Variants in RILPL1 observed in about 807,000 individuals in gnomAD.
The protein encoded by RILPL1 is Rab interacting lysosomal protein like 1.
Under a neutral mutation model 50.3 loss-of-function variants are expected in RILPL1, and 33 were observed. The observed-to-expected ratio is 0.66, with a 90% CI of 0.50 to 0.88. The LOEUF (loss-of-function observed/expected upper bound fraction) is 0.88. RILPL1 is among the 40% of genes least tolerant of loss of function. The pLI is 0.00. For synonymous variants in RILPL1, 205 were observed against 228.6 expected, an observed-to-expected ratio of 0.90 and a Z score of 0.93; for missense variants, 418 against 542.5, an observed-to-expected ratio of 0.77 and a Z score of 2.28.
intron 6 of RILPL1, among the ~76,000 whole-genome samples, chr12:123,481,358 CA>C (rs1250502610): frequency 0.11 from 12,186 of 106,866 alleles, 1,268 homozygotes; most frequent in African/African-American, 0.29. Context: ...GACTCCCTCT[CA>C]AAAAAAAAAA....
chr12:123,478,494 G>C (rs893480445), intron 6 of RILPL1, among the ~76,000 whole-genome samples: 3 of 146,796 alleles, frequency 2.0e-5, no homozygotes, highest in Non-Finnish European at 4.5e-5. Flanking sequence ...ATTTCTGGAA[G>C]ACTCAAACCA....
intron 2 of RILPL1, among the ~76,000 whole-genome samples, chr12:123,507,061 G>A (rs934876906): frequency 6.6e-6 from 1 of 152,216 alleles, no homozygotes; most frequent in Non-Finnish European, 1.5e-5. Context: ...ACACCACCAA[G>A]TGCTGGTGAG....
At chr12:123,516,087 C>G (rs373397080) in intron 2 of RILPL1, among the ~76,000 whole-genome samples, 1 of 146,782 alleles carries the variant, frequency 6.8e-6, no homozygotes, top group Admixed American at 6.9e-5. Context: ...AGCAACTTGG[C>G]CCAAATCTCA....
chr12:123,511,757 G>GTA (rs1290301260), intron 2 of RILPL1, among the ~76,000 whole-genome samples: 1 of 131,172 alleles, frequency 7.6e-6, no homozygotes, highest in African/African-American at 2.9e-5. Flanking sequence ...GTCTGTGTGT[G>GTA]GTGTGTGAGG....
intron 4 of RILPL1, among the ~76,000 whole-genome samples, chr12:123,494,918 G>A (rs770355023): frequency 8.5e-5 from 13 of 152,168 alleles, no homozygotes; most frequent in Non-Finnish European, 1.5e-4. Context: ...CACTGCAGAC[G>A]ACAGCTGTTG....
At chr12:123,524,637 G>A (rs1016711230) in intron 1 of RILPL1, among the ~76,000 whole-genome samples, 3 of 152,128 alleles carry the variant, frequency 2.0e-5, no homozygotes, top group Admixed American at 2.0e-4. Flanking sequence ...CAACATAGGT[G>A]GACCCTGAAA....
intron 4 of RILPL1, among the ~76,000 whole-genome samples, chr12:123,493,807 T>C (rs897617365): frequency 6.9e-6 from 1 of 144,474 alleles, no homozygotes; most frequent in Non-Finnish European, 1.5e-5. Context: ...TTTTTTGAGA[T>C]GAAGTCTTGC....
chr12:123,513,038 G>C (rs1398289148), intron 2 of RILPL1, among the ~76,000 whole-genome samples: 3 of 143,962 alleles, frequency 2.1e-5, no homozygotes, highest in Admixed American at 1.4e-4. Context: ...GGTCTGTGTG[G>C]TGTGTGAGGT....
chr12:123,514,965 C>G (rs1371993224), intron 2 of RILPL1, among the ~76,000 whole-genome samples: 3 of 150,946 alleles, frequency 2.0e-5, no homozygotes, highest in African/African-American at 7.3e-5. Context: ...GGGTCTTGCT[C>G]TGTTGCCCAG....
At chr12:123,508,249 C>A (rs1413972662) in intron 2 of RILPL1, among the ~76,000 whole-genome samples, 1 of 152,086 alleles carries the variant, frequency 6.6e-6, no homozygotes, top group Non-Finnish European at 1.5e-5. Context: ...AAAAAATTAG[C>A]CAGGCGTGGT....
chr12:123,495,733 T>C (rs1261395755), intron 4 of RILPL1, among the ~76,000 whole-genome samples: 2 of 139,768 alleles, frequency 1.4e-5, no homozygotes, highest in Non-Finnish European at 3.0e-5. Context: ...CAGGCTGGAG[T>C]GCAGTGGTGC....
rs768914391 is a variant in RILPL1, at chr12:123,498,795, G to A, written c.580-30C>T. On this transcript the variant is annotated intron_variant, in intron 3 of 6. Transcript: ENST00000376874. This position sits in a 1 kb window ranked among gnomAD's most constrained non-coding sequence, Gnocchi z 4.3. ...AGAAAAAGGGAGACCATTGTGCGGG[G>A]CTGCCACCTGCGGTAGCTCAGGTTG... 4 of 1,600,990 alleles carry A rather than the reference G, an allele frequency of 2.5e-6. No individual in the cohort carries two copies. The Admixed American group carries it at 5.0e-5, about 20-fold the overall frequency.
intron 2 of RILPL1, among the ~76,000 whole-genome samples, chr12:123,507,113 T>C (rs909145264): frequency 6.6e-6 from 1 of 152,168 alleles, no homozygotes; most frequent in Non-Finnish European, 1.5e-5. Context: ...TTGCTGGAAG[T>C]GCTACTATGG....
chr12:123,485,679 T>G lies in RILPL1; in HGVS notation c.928A>C (p.Lys310Gln). 6.2e-7 allele frequency: 1 copy of G among 1,613,798 alleles called. No homozygotes were observed. Among genetic ancestry groups the G allele is most frequent in the Non-Finnish European group, 8.5e-7 (1 of 1,179,806 alleles). Reference protein sequence around the residue: ...RDVLHERNELKSKVFLLQEEL... With the variant: ...RDVLHERNELQSKVFLLQEEL... ...TCCTGCAGCAAGAACACCTTGGACT[T>G]GAGCTCGTTCCTCTCGTGCAGCACG... is the stretch of plus-strand genomic sequence containing the variant. Residue 310 changes from lysine to glutamine, a missense_variant, in exon 5 of 7, where the codon AAG (lysine) becomes CAG (glutamine). Lys to Gln is a moderately conservative substitution (Grantham distance 53). Transcript: ENST00000376874. The surrounding 1 kb of genome is among the most constrained non-coding windows in gnomAD (Gnocchi z 4.0).
chr12:123,522,151 A>G lies in RILPL1; in HGVS notation c.460+1344T>C, dbSNP rs1331165224. On this transcript the variant is annotated intron_variant, in intron 2 of 6. Transcript: ENST00000376874. This position sits in a 1 kb window ranked among gnomAD's most constrained non-coding sequence, Gnocchi z 4.0. ...CCCACCCCAGGTCCGTCCCCGTTCC[A>G]TCAAACATGAGGAAGAGGCTCATGT... is the stretch of plus-strand genomic sequence containing the variant. 6.6e-6 allele frequency among the ~76,000 whole-genome samples: 1 copy of G among 152,158 alleles called. No individual in the cohort carries two copies. Among genetic ancestry groups the G allele is most frequent in the Admixed American group, 6.5e-5 (1 of 15,270 alleles).
intron 6 of RILPL1, among the ~76,000 whole-genome samples, chr12:123,483,731 A>C (rs932456446): frequency 6.6e-5 from 10 of 152,152 alleles, no homozygotes; most frequent in African/African-American, 2.4e-4. Flanking sequence ...CCCCTGCTTA[A>C]TGGACAGAGG....
At position 123,472,017 on chromosome 12, in the gene RILPL1, G is replaced by A. The variant is rs755018040; in HGVS notation, c.*521C>T. The A allele has an allele frequency of 6.5e-6, 1 of 153,446 alleles. No individual in the cohort carries two copies. The highest frequency in any genetic ancestry group is 2.4e-5 in the African/African-American group (1 of 41,452). 9.5% of individuals were successfully genotyped at this position (153,446 alleles called of 1,614,324 possible). On this transcript the variant is annotated 3_prime_UTR_variant, in exon 7 of 7. Transcript: ENST00000376874. ...GGCTTTGTGTCTGAGTTGGGCTACT[G>A]AGCCTGTGACTTCAGACCCCTTGTC...
In RILPL1 at chr12:123,498,666, C is replaced by T; in HGVS notation, c.679G>A (p.Val227Met). ...GTCTGCAGGTCTGCCTCCAGCTCCA[C>T]CTTCTGTTCGATCAGGGCTTTCCCC... ...AQGKALIEQKVELEADLQTKE... is the reference protein window; with the variant it reads ...AQGKALIEQKMELEADLQTKE... The change falls in exon 4 of 7, where the codon GTG (valine) becomes ATG (methionine). Residue 227 changes from valine to methionine, a missense_variant. By Grantham distance (21) the Val-to-Met change is conservative (BLOSUM62 1). Transcript: ENST00000376874. The surrounding 1 kb of genome is among the most constrained non-coding windows in gnomAD (Gnocchi z 4.3). The T allele has an allele frequency of 6.2e-7, 1 of 1,613,798 alleles. No homozygotes were observed. Among genetic ancestry groups the T allele is most frequent in the Non-Finnish European group, 8.5e-7 (1 of 1,179,898 alleles).
At position 123,493,824 on chromosome 12, in the gene RILPL1, G is replaced by A. The variant is rs1400072857; in HGVS notation, c.801+4720C>T. ...TTTTGAGATGAAGTCTTGCTCTGTC[G>A]TCCAGGCTGGAGTGCAGTGGCTTGA... On this transcript the variant is annotated intron_variant, in intron 4 of 6. Coordinates refer to ENST00000376874, the MANE Select transcript of RILPL1 (RefSeq NM_178314.5). Among the ~76,000 whole-genome samples, 5 of 142,240 alleles carry A rather than the reference G, an allele frequency of 3.5e-5. No homozygotes were observed. The South Asian group carries it at 6.5e-4, about 19-fold the overall frequency. 93.3% of individuals were successfully genotyped at this position (142,240 alleles called of 152,430 possible).
Sources: allele counts gnomAD v4.1 joint callset (sites outside exome capture counted in the v4.1 genomes callset), GRCh38; gene constraint gnomAD v4.1.1; non-coding constraint Gnocchi (gnomAD v3.1); transcripts MANE v1.5; gene names NCBI Gene and HGNC (gene_info 2026-07-23, HGNC 2026-07-21).